The following FAR1 variants were observed in gnomAD, a reference collection of about 807,000 sequenced individuals.
FAR1 encodes male sterility domain-containing protein 2.
Under a neutral mutation model 61.1 loss-of-function variants are expected in FAR1, and 22 were observed. That is an observed-to-expected ratio of 0.36 (90% CI 0.26 to 0.51). The LOEUF is 0.51. Among genes scored for constraint, FAR1 ranks in the 20% least tolerant of loss-of-function variants. The pLI, the probability that FAR1 is intolerant of heterozygous loss-of-function variation, is 0.95. For missense variants in FAR1, 359 were observed against 626.9 expected, an observed-to-expected ratio of 0.57 and a Z score of 4.56; for synonymous variants, 206 against 209.7, an observed-to-expected ratio of 0.98 and a Z score of 0.15.
At chr11:13,701,548 T>TA (rs1174235433) in intron 3 of FAR1, among the ~76,000 whole-genome samples, 1 of 152,046 alleles carries the variant, frequency 6.6e-6, no homozygotes, top group Admixed American at 6.6e-5. Context: ...AATTAAGAAT[T>TA]AAAAAAATTA....
chr11:13,724,014 G>A (rs1848642650), intron 10 of FAR1, among the ~76,000 whole-genome samples: 1 of 152,052 alleles, frequency 6.6e-6, no homozygotes, highest in African/African-American at 2.4e-5. Context: ...CTTGAGCTAG[G>A]TCTCACCCAT....
rs557466956 is a variant in FAR1 at position 13,703,471 on chromosome 11, T to C, written c.365+2979T>C. On this transcript the variant is annotated intron_variant, in intron 3 of 11. Coordinates refer to ENST00000354817, the MANE Select transcript of FAR1 (RefSeq NM_032228.6). ...TTACTGTTGGGGGGAAGTTTTCAGA[T>C]GTTACTACAACATTAAGCCCAATAC... Among the ~76,000 whole-genome samples the C allele has an allele frequency of 5.9e-5, 9 of 152,360 alleles. No homozygotes were observed. The East Asian group carries it at 1.7e-3, about 29-fold the overall frequency.
At chr11:13,710,953 T>G (rs528318391) in intron 5 of FAR1, 83 bp downstream of exon 5, 5 of 1,197,806 alleles carry the variant, frequency 4.2e-6, no homozygotes, top group Non-Finnish European at 5.9e-6. Context: ...GGCAGTTCTT[T>G]AAGAACAGGT....
At chr11:13,724,007 G>T (rs967548453) in intron 10 of FAR1, among the ~76,000 whole-genome samples, 1 of 152,010 alleles carries the variant, frequency 6.6e-6, no homozygotes, top group Non-Finnish European at 1.5e-5. Flanking sequence ...TCTATTACTT[G>T]AGCTAGGTCT....
intron 10 of FAR1, among the ~76,000 whole-genome samples, chr11:13,727,091 C>CAT (rs1848674775): frequency 6.6e-6 from 1 of 151,996 alleles, no homozygotes; most frequent in South Asian, 2.1e-4. Context: ...GCTTTCATAA[C>CAT]ATATCTTGAT....
rs1848608483 is a variant in FAR1 at position 13,721,483 on chromosome 11, T to C, written c.1128-247T>C. 1 of 360,004 alleles carries C rather than the reference T, an allele frequency of 2.8e-6. No homozygotes were observed. Among genetic ancestry groups the C allele is most frequent in the Non-Finnish European group, 5.0e-6 (1 of 200,160 alleles). 22.3% of individuals were successfully genotyped at this position (360,004 alleles called of 1,614,324 possible). A position where few individuals can be genotyped will look rare whatever the true frequency, so the allele number is the denominator to read the frequency against. ...ATTCTGTATATCAGCAGAACTCTGTTTAGGTGGTATTAAATGCATTTGCTG... is the reference window on the plus strand; with the variant it reads ...ATTCTGTATATCAGCAGAACTCTGTCTAGGTGGTATTAAATGCATTTGCTG... On this transcript the variant is annotated intron_variant, in intron 9 of 11. Transcript: ENST00000354817. The surrounding 1 kb of genome is among the most constrained non-coding windows in gnomAD (Gnocchi z 4.2).
chr11:13,709,748 A>T (rs1848476951), intron 4 of FAR1, among the ~76,000 whole-genome samples: 2 of 152,130 alleles, frequency 1.3e-5, no homozygotes, highest in South Asian at 4.1e-4. Flanking sequence ...ATATACAAAA[A>T]GTACTTCCAT....
chr11:13,691,354 A>G (rs1282806370), intron 1 of FAR1, among the ~76,000 whole-genome samples: 1 of 152,224 alleles, frequency 6.6e-6, no homozygotes. Flanking sequence ...TAATAGTATC[A>G]CATTGGCAAA....
intron 10 of FAR1, among the ~76,000 whole-genome samples, chr11:13,723,076 G>T (rs1181282858): frequency 6.6e-6 from 1 of 151,970 alleles, no homozygotes; most frequent in Non-Finnish European, 1.5e-5. Flanking sequence ...GCACGTTAAA[G>T]AACTTTTTTG....
chr11:13,689,342 C>T (rs1437790391), intron 1 of FAR1, among the ~76,000 whole-genome samples: 1 of 152,154 alleles, frequency 6.6e-6, no homozygotes, highest in Non-Finnish European at 1.5e-5. Context: ...CCCTGCAAGA[C>T]TTTTGGCCGT....
chr11:13,708,548 A>G (rs2134190105), intron 4 of FAR1, among the ~76,000 whole-genome samples: 1 of 152,232 alleles, frequency 6.6e-6, no homozygotes, highest in East Asian at 1.9e-4. Context: ...TAATATCTAA[A>G]TAAATGTTAA....
intron 1 of FAR1, among the ~76,000 whole-genome samples, chr11:13,675,417 G>T (rs1200551513): frequency 1.3e-5 from 2 of 152,108 alleles, no homozygotes; most frequent in Non-Finnish European, 2.9e-5. Context: ...TAAAGCGTGC[G>T]GTTAGGAAAT....
intron 2 of FAR1, among the ~76,000 whole-genome samples, chr11:13,697,343 T>C (rs1442922774): frequency 6.6e-6 from 1 of 151,952 alleles, no homozygotes; most frequent in Non-Finnish European, 1.5e-5. Context: ...ATGCCTGTGG[T>C]CCCAGCTACT....
At chr11:13,685,556 A>T (rs1420165932) in intron 1 of FAR1, 5 of 216,968 alleles carry the variant, frequency 2.3e-5, no homozygotes, top group Non-Finnish European at 4.9e-5. Context: ...ACCTGATTTT[A>T]TTACCAGTTT....
intron 1 of FAR1, among the ~76,000 whole-genome samples, chr11:13,674,528 A>C (rs1465381668): frequency 6.6e-6 from 1 of 152,070 alleles, no homozygotes; most frequent in Non-Finnish European, 1.5e-5. Context: ...CTAATTAAAA[A>C]CATAGATGCC....
chr11:13,700,382 A>G lies in FAR1; in HGVS notation c.255A>G (p.Glu85=). ...AGAAAATTATAGCAATCAACAGCGA[A>G]CTCACCCAACCTAAACTGGCTCTCA... ...FREKIIAINS[E]LTQPKLALSE... The change falls in exon 3 of 12, where the codon GAA becomes GAG. Residue 85 remains glutamate (E), a synonymous_variant. Coordinates refer to ENST00000354817, the MANE Select transcript of FAR1 (RefSeq NM_032228.6). The G allele has an allele frequency of 6.2e-7, 1 of 1,602,936 alleles. No individual in the cohort carries two copies. The highest frequency in any genetic ancestry group is 1.1e-5 in the South Asian group (1 of 88,046).
intron 1 of FAR1, among the ~76,000 whole-genome samples, chr11:13,680,195 AAAT>A (rs1480680253): frequency 1.3e-5 from 2 of 152,242 alleles, no homozygotes; most frequent in Non-Finnish European, 2.9e-5. Flanking sequence ...TGACTACACT[AAAT>A]AATTTGTACA....
chr11:13,680,631 G>C (rs973558207), intron 1 of FAR1, among the ~76,000 whole-genome samples: 48 of 152,090 alleles, frequency 3.2e-4, no homozygotes, highest in African/African-American at 1.1e-3. Flanking sequence ...AAGAGAGAAA[G>C]AGGAAGAGCT....
chr11:13,674,093 T>G (rs1398545302), intron 1 of FAR1, among the ~76,000 whole-genome samples: 4 of 151,914 alleles, frequency 2.6e-5, no homozygotes, highest in Non-Finnish European at 4.4e-5. Context: ...GGGCGGATCA[T>G]GAGGTCAGGA....
Sources: gnomAD v4.1 joint callset for allele counts (sites outside exome capture counted in the v4.1 genomes callset) on GRCh38, gnomAD v4.1.1 for gene constraint, Gnocchi (gnomAD v3.1) non-coding constraint, MANE v1.5 for transcripts, NCBI Gene and HGNC (gene_info 2026-07-23, HGNC 2026-07-21) for gene names.